The following SMG1 variants were observed in gnomAD, a reference collection of about 807,000 sequenced individuals.
SMG1 encodes SMG1 nonsense mediated mRNA decay associated PI3K related kinase.
SMG1 carries 22 observed loss-of-function variants against 419.9 expected under a neutral mutation model. The ratio of observed to expected loss-of-function variants is 0.05; its 90% CI spans 0.04 to 0.07. SMG1 has a LOEUF of 0.07. Among genes scored for constraint, SMG1 ranks in the 10% least tolerant of loss-of-function variants. The pLI is 1.00. For synonymous variants in SMG1, 1,538 were observed against 1,553.5 expected (o/e 0.99, Z 0.23); for missense variants, 3,185 against 4,342.0 (o/e 0.73, Z 7.49).
intron 6 of SMG1, among the ~76,000 whole-genome samples, chr16:18,886,308 C>T (rs1325639253): frequency 6.6e-6 from 1 of 152,104 alleles, no homozygotes; most frequent in Non-Finnish European, 1.5e-5. Context: ...TGGGACCACA[C>T]ATAAATAACA....
chr16:18,876,523 G>A lies in SMG1; in HGVS notation c.1621-130C>T, dbSNP rs185008701. Reference sequence around the variant, plus strand: ...TTTAAGATCGATCAATTCACTGTCCGTAGCACTTAATATTTTAACTTTTTA... The same window carrying A: ...TTTAAGATCGATCAATTCACTGTCCATAGCACTTAATATTTTAACTTTTTA... On this transcript the variant is annotated intron_variant, in intron 12 of 62. Coordinates refer to ENST00000446231, the MANE Select transcript of SMG1 (RefSeq NM_015092.5). The A allele has an allele frequency of 5.3e-5, 64 of 1,203,798 alleles. No homozygotes were observed. The East Asian group carries it at 6.1e-4, about 11-fold the overall frequency. The allele number at this position is 1,203,798 out of a possible 1,614,324, so 74.6% of individuals were successfully genotyped here.
At chr16:18,894,108 C>G (rs1291163339) in intron 3 of SMG1, among the ~76,000 whole-genome samples, 1 of 151,662 alleles carries the variant, frequency 6.6e-6, no homozygotes, top group Admixed American at 6.6e-5. Context: ...AGGGGAACAA[C>G]ACACACTGGA....
At chr16:18,828,501 A>G (rs931102791) in intron 54 of SMG1, among the ~76,000 whole-genome samples, 2 of 148,682 alleles carry the variant, frequency 1.3e-5, no homozygotes, top group Non-Finnish European at 3.0e-5. Flanking sequence ...ATTTGAATAC[A>G]AATCCATCTC....
intron 13 of SMG1, among the ~76,000 whole-genome samples, chr16:18,874,580 A>T (rs1212589687): frequency 8.1e-6 from 1 of 123,320 alleles, no homozygotes; most frequent in Non-Finnish European, 1.7e-5. Context: ...AAAAAAAAAA[A>T]GCAGGCTGGG....
chr16:18,875,958 G>C (rs1296902957), intron 13 of SMG1, 166 bp downstream of exon 13: 2 of 713,570 alleles, frequency 2.8e-6, no homozygotes, highest in Non-Finnish European at 4.6e-6. Flanking sequence ...ATAATGCCAA[G>C]AAAACATTCC....
intron 9 of SMG1, among the ~76,000 whole-genome samples, chr16:18,883,028 A>G (rs1456938665): frequency 6.6e-6 from 1 of 152,244 alleles, no homozygotes; most frequent in African/African-American, 2.4e-5. Context: ...GGGGGCAAAG[A>G]AAAAACAACA....
intron 48 of SMG1, among the ~76,000 whole-genome samples, chr16:18,835,621 A>C (rs183505980): frequency 6.6e-6 from 1 of 152,212 alleles, no homozygotes; most frequent in Non-Finnish European, 1.5e-5. Context: ...AAGAAATACA[A>C]TTGGCCAGGC....
chr16:18,860,806 TCCTATGCA>T, intron 25 of SMG1, 30 bp from the exon 26 acceptor site: 2 of 932,296 alleles, frequency 2.1e-6, no homozygotes, highest in East Asian at 4.9e-5. Flanking sequence ...TAGCTTGTAT[TCCTATGCA>T]GCCTGTGGAA....
chr16:18,819,411 A>AAGCTCCCCTAGTTACCCCACATAT, intron 56 of SMG1, 91 bp downstream of exon 56: 1 of 1,417,796 alleles, frequency 7.1e-7, no homozygotes, highest in Non-Finnish European at 9.6e-7. Flanking sequence ...GTGGGCTCTC[A>AAGCTCCCCTAGTTACCCCACATAT]AGCTCCCCTA....
chr16:18,881,908 A>G (rs567222558), intron 10 of SMG1, among the ~76,000 whole-genome samples: 44 of 152,256 alleles, frequency 2.9e-4, no homozygotes, highest in African/African-American at 1.1e-3. Flanking sequence ...AAACGAAAGA[A>G]TAAGATTTAA....
chr16:18,870,258 T>C lies in SMG1; in HGVS notation c.2493-264A>G, dbSNP rs532039552. Among the ~76,000 whole-genome samples, 7 of 152,288 alleles carry C rather than the reference T, an allele frequency of 4.6e-5. No homozygotes were observed. The East Asian group carries it at 1.2e-3, about 25-fold the overall frequency. On this transcript the variant is annotated intron_variant, in intron 18 of 62. Coordinates refer to ENST00000446231, the MANE Select transcript of SMG1 (RefSeq NM_015092.5). ...AAAACCCAATCATTATGCTTATGTA[T>C]TACAAAAGGATCAAGTTTAGGCTCT...
In SMG1 at chr16:18,815,288, T is replaced by C; in HGVS notation, c.10515-7A>G. ...CACTAAATTATTATAGATACTGAAATACAAAATAAAATGGCTTATTTACGA... is the reference window on the plus strand; with the variant it reads ...CACTAAATTATTATAGATACTGAAACACAAAATAAAATGGCTTATTTACGA... On this transcript the variant is annotated splice_region_variant and splice_polypyrimidine_tract_variant and intron_variant, in intron 59 of 62. Coordinates refer to ENST00000446231, the MANE Select transcript of SMG1 (RefSeq NM_015092.5). The C allele has an allele frequency of 6.4e-7, 1 of 1,562,142 alleles. No individual in the cohort carries two copies.
At chr16:18,922,380 G>A (rs1247496688) in intron 1 of SMG1, among the ~76,000 whole-genome samples, 3 of 152,112 alleles carry the variant, frequency 2.0e-5, no homozygotes, top group Admixed American at 1.3e-4. Flanking sequence ...AAAACCAGAG[G>A]CATCCAGTGG....
At chr16:18,871,335 TAG>T in intron 16 of SMG1, 27 bp downstream of exon 16, 1 of 928,846 alleles carries the variant, frequency 1.1e-6, no homozygotes, top group Non-Finnish European at 1.5e-6. Flanking sequence ...ATAAACAAAA[TAG>T]AAAAAAAAAA....
chr16:18,849,069 CAAAAAAAAAAAAAAAAAAAAA>C lies in SMG1; in HGVS notation c.5623+127_5623+147del, dbSNP rs58373081. 568 of 113,986 alleles carry C rather than the reference CAAAAAAAAAAAAAAAAAAAAA, an allele frequency of 5.0e-3. 7 individuals carry two copies. Among genetic ancestry groups the C allele is most frequent in the Middle Eastern group, 0.016 (4 of 244 alleles). 7.1% of individuals were successfully genotyped at this position (113,986 alleles called of 1,614,324 possible). A position where few individuals can be genotyped will look rare whatever the true frequency, so the allele number is the denominator to read the frequency against. ...TGGGTGACAGAGTGAGACTCCATCT[CAAAAAAAAAAAAAAAAAAAAA>C]AAAAAAAAAAAAAAAACCCTACAAA... is the stretch of plus-strand genomic sequence containing the variant. On this transcript the variant is annotated intron_variant, in intron 36 of 62. Transcript: ENST00000446231.
Position 18,845,415 on chromosome 16 carries a change from G to T in SMG1, c.6219+14C>A. The T allele has an allele frequency of 1.2e-6, 2 of 1,606,478 alleles. No homozygotes were observed. The highest frequency in any genetic ancestry group is 2.2e-5 in the South Asian group (2 of 90,844). On this transcript the variant is annotated intron_variant, in intron 39 of 62. Transcript: ENST00000446231. The stretch of plus-strand genomic sequence containing the variant: ...ATGTGCCATTTCAGTAGCATGCTTG[G>T]GATTATTCTGTACCTCTTTAAATGG...
intron 10 of SMG1, among the ~76,000 whole-genome samples, chr16:18,880,306 A>C (rs920766558): frequency 6.6e-6 from 1 of 152,220 alleles, no homozygotes; most frequent in Non-Finnish European, 1.5e-5. Context: ...TTGTGTACTA[A>C]ATTTCTAATA....
intron 25 of SMG1, chr16:18,861,500 T>A (rs1487805810): frequency 1.3e-5 from 2 of 151,972 alleles, no homozygotes; most frequent in Non-Finnish European, 2.9e-5. Context: ...CTCTTTTCCA[T>A]CTTTGCCTGT....
rs1567360833 is a variant in SMG1 at position 18,847,941 on chromosome 16, CAGG to C, written c.5713_5715del (p.Pro1905del). 3 of 1,613,970 alleles carry C rather than the reference CAGG, an allele frequency of 1.9e-6. No homozygotes were observed. The highest frequency in any genetic ancestry group is 1.3e-5 in the African/African-American group (1 of 75,042). ...TCATCCTTATTGCTATCCTGAGATG[CAGG>C]AGGACTTCCTCCCTCACATTCAGAA... On this transcript the variant is annotated inframe_deletion, in exon 37 of 63. Transcript: ENST00000446231.
Sources: gnomAD v4.1 joint callset for allele counts (sites outside exome capture counted in the v4.1 genomes callset) on GRCh38, gnomAD v4.1.1 for gene constraint, MANE v1.5 for transcripts, NCBI Gene and HGNC (gene_info 2026-07-23, HGNC 2026-07-21) for gene names.